Variants in EYA1 observed in about 807,000 individuals in gnomAD.
The protein encoded by EYA1 is protein phosphatase EYA1.
EYA1 carries 16 observed loss-of-function variants against 82.0 expected under a neutral mutation model. That is an observed-to-expected ratio of 0.20 (90% confidence interval 0.13 to 0.30). The LOEUF (loss-of-function observed/expected upper bound fraction) is 0.30. Ranked by LOEUF, EYA1 falls within the 10% of genes least tolerant of loss-of-function variation. The probability of loss-of-function intolerance (pLI) is 1.00; values close to 1 mark genes in which losing one functional copy is unlikely to be tolerated. For missense variants in EYA1, 633 were observed against 730.7 expected, an observed-to-expected ratio of 0.87 and a Z score of 1.54; for synonymous variants, 261 against 264.4, an observed-to-expected ratio of 0.99 and a Z score of 0.12.
chr8:71,536,017 C>G (rs1274476229), intron 1 of EYA1, among the ~76,000 whole-genome samples: 1 of 152,188 alleles, frequency 6.6e-6, no homozygotes, highest in Non-Finnish European at 1.5e-5. Flanking sequence ...CTGTTTATCA[C>G]AATTTACATG....
In EYA1 at chr8:71,267,609, C is replaced by T. The variant is rs567484537; in HGVS notation, c.1050+2131G>A. Among the ~76,000 whole-genome samples, 7 of 152,268 alleles carry T rather than the reference C, an allele frequency of 4.6e-5. No individual in the cohort carries two copies. The South Asian group carries it at 1.0e-3, about 23-fold the overall frequency. On this transcript the variant is annotated intron_variant, in intron 11 of 17. Coordinates refer to ENST00000340726, the MANE Select transcript of EYA1 (RefSeq NM_000503.6). ...TGTTGCCCAGGCTGGAGCACAGTGGCGCGATCTCTGCTCACTGCAAGCTCC... is the reference window on the plus strand; with the variant it reads ...TGTTGCCCAGGCTGGAGCACAGTGGTGCGATCTCTGCTCACTGCAAGCTCC...
intron 17 of EYA1, among the ~76,000 whole-genome samples, chr8:71,204,817 C>T (rs1807542296): frequency 6.6e-6 from 1 of 152,172 alleles, no homozygotes; most frequent in South Asian, 2.1e-4. Context: ...TATTATGAAA[C>T]TTATTGTGCA....
chr8:71,387,269 AAGCAAAAC>A (rs1271928190), intron 2 of EYA1, among the ~76,000 whole-genome samples: 30 of 152,334 alleles, frequency 2.0e-4, no homozygotes, highest in African/African-American at 6.7e-4. Flanking sequence ...TGGGAATGAC[AAGCAAAAC>A]AGCTTTTGGG....
At chr8:71,463,582 TCTCTCTCTCTC>T (rs1808536556) in intron 2 of EYA1, among the ~76,000 whole-genome samples, 1 of 19,298 alleles carries the variant, frequency 5.2e-5, no homozygotes, top group African/African-American at 9.3e-4. Flanking sequence ...GCTTTCTCTC[TCTCTCTCTCTC>T]TCTCTCTCTC....
At position 71,461,071 on chromosome 8, in the gene EYA1, T is replaced by C. The variant is rs116300385; in HGVS notation, c.33+74673A>G. Among the ~76,000 whole-genome samples, 284 of 152,310 alleles carry C rather than the reference T, an allele frequency of 1.9e-3. 2 individuals are homozygous for C. The highest frequency in any genetic ancestry group is 6.7e-3 in the African/African-American group (277 of 41,588). On this transcript the variant is annotated intron_variant, in intron 2 of 18. Transcript: ENST00000643681. ...TGACCAGCACTGTCCAATAGAAATA[T>C]AATGTGAGTGTATAATCTTGAGGTT...
chr8:71,306,470 C>T, intron 7 of EYA1, among the ~76,000 whole-genome samples: 1 of 152,042 alleles, frequency 6.6e-6, no homozygotes, highest in East Asian at 1.9e-4. Context: ...AGCTAGAGAA[C>T]CCTTACAAAT....
intron 2 of EYA1, among the ~76,000 whole-genome samples, chr8:71,471,103 C>T (rs1235567702): frequency 2.6e-5 from 4 of 151,822 alleles, no homozygotes; most frequent in African/African-American, 9.7e-5. Flanking sequence ...TGTTTCAAGC[C>T]CCAGAGAACA....
chr8:71,425,434 G>A (rs1436694623), intron 2 of EYA1, among the ~76,000 whole-genome samples: 5 of 152,152 alleles, frequency 3.3e-5, no homozygotes, highest in Non-Finnish European at 7.4e-5. Context: ...CAAAAATGAT[G>A]TTCCCCTTAT....
chr8:71,229,021 C>T (rs1810893001), intron 12 of EYA1, among the ~76,000 whole-genome samples: 1 of 152,156 alleles, frequency 6.6e-6, no homozygotes, highest in Non-Finnish European at 1.5e-5. Context: ...CTGTTTTAGT[C>T]CATCTCCCTC....
chr8:71,368,949 G>T (rs940664819), intron 2 of EYA1, among the ~76,000 whole-genome samples: 1 of 151,064 alleles, frequency 6.6e-6, no homozygotes, highest in African/African-American at 2.4e-5. Context: ...AGCACTTTGG[G>T]AGGTCGAGGC....
intron 7 of EYA1, among the ~76,000 whole-genome samples, chr8:71,310,971 A>T (rs905298730): frequency 1.8e-4 from 28 of 152,122 alleles, no homozygotes; most frequent in African/African-American, 6.8e-4. Context: ...CACAGAGCTG[A>T]GGCTTAACCA....
In EYA1 at chr8:71,358,847, G is replaced by T. The variant is rs147015612; in HGVS notation, c.-54-2336C>A. On this transcript the variant is annotated intron_variant, in intron 1 of 17. Transcript: ENST00000340726. ...TGTGTTTTGAAAATAATTAATTAGG[G>T]ATATTTCCATTCAAAAGAGAAAAAT... 2.5e-3 allele frequency among the ~76,000 whole-genome samples: 380 copies of T among 152,116 alleles called. 1 individual carries two copies. Among genetic ancestry groups the T allele is most frequent in the Non-Finnish European group, 3.5e-3 (241 of 67,942 alleles).
At chr8:71,207,087 C>T (rs369502128) in intron 17 of EYA1, among the ~76,000 whole-genome samples, 97 of 152,122 alleles carry the variant, frequency 6.4e-4, no homozygotes, top group African/African-American at 2.1e-3. Flanking sequence ...TATGATTAAT[C>T]CTACAGCATA....
intron 2 of EYA1, among the ~76,000 whole-genome samples, chr8:71,535,354 G>A (rs187419343): frequency 6.6e-6 from 1 of 152,160 alleles, no homozygotes; most frequent in East Asian, 1.9e-4. Flanking sequence ...ATACACACAG[G>A]TATATTCATA....
chr8:71,292,516 C>T (rs1414679987), intron 9 of EYA1, among the ~76,000 whole-genome samples: 2 of 151,874 alleles, frequency 1.3e-5, no homozygotes, highest in South Asian at 2.1e-4. Flanking sequence ...TTTGAATTTA[C>T]CATGGAATAC....
chr8:71,339,999 C>A (rs1418094935), intron 3 of EYA1, among the ~76,000 whole-genome samples: 1 of 152,186 alleles, frequency 6.6e-6, no homozygotes, highest in Non-Finnish European at 1.5e-5. Flanking sequence ...TTACAAGTGT[C>A]TTCTTTCTAA....
chr8:71,385,740 C>T (rs977378785), intron 2 of EYA1, among the ~76,000 whole-genome samples: 3 of 152,152 alleles, frequency 2.0e-5, no homozygotes, highest in African/African-American at 7.2e-5. Flanking sequence ...TGTGAAACCC[C>T]ACTTTAAAAA....
At chr8:71,517,658 A>C (rs1052190679) in intron 2 of EYA1, among the ~76,000 whole-genome samples, 4 of 150,372 alleles carry the variant, frequency 2.7e-5, no homozygotes, top group Non-Finnish European at 5.9e-5. Context: ...TAAAGATAAA[A>C]GATGATCAAG....
chr8:71,296,685 A>G (rs1450707910), intron 9 of EYA1, among the ~76,000 whole-genome samples: 2 of 152,052 alleles, frequency 1.3e-5, no homozygotes, highest in African/African-American at 4.8e-5. Context: ...CATTATTTTA[A>G]CAATGTAAAA....
Sources: allele counts gnomAD v4.1 joint callset (sites outside exome capture counted in the v4.1 genomes callset), GRCh38; gene constraint gnomAD v4.1.1; transcripts MANE v1.5; gene names NCBI Gene and HGNC (gene_info 2026-07-23, HGNC 2026-07-21).